Variants in FRMD4B observed in about 807,000 individuals in gnomAD.
FRMD4B encodes FERM domain-containing protein 4B.
A neutral mutation model predicts 141.5 loss-of-function variants in FRMD4B; 74 were observed. The ratio of observed to expected loss-of-function variants is 0.52; its 90% confidence interval spans 0.43 to 0.63. FRMD4B has a LOEUF of 0.63. Among genes scored for constraint, FRMD4B ranks in the 30% least tolerant of loss-of-function variants. FRMD4B has a pLI of 0.00. For missense variants in FRMD4B, 1,366 were observed against 1,253.4 expected (o/e 1.09, Z -1.36); for synonymous variants, 506 against 467.9 (o/e 1.08, Z -1.05).
chr3:69,528,189 T>C lies in FRMD4B; in HGVS notation c.-129+14017A>G, dbSNP rs541444131. Among the ~76,000 whole-genome samples, 13 of 152,256 alleles carry C rather than the reference T, an allele frequency of 8.5e-5. No individual in the cohort carries two copies. The South Asian group carries it at 1.0e-3, about 12-fold the overall frequency. ...GATTTTTAAAAAAGGGCAATTCTCATTGGGACTCAATGGCAAGGACTATGA... is the reference window on the plus strand; with the variant it reads ...GATTTTTAAAAAAGGGCAATTCTCACTGGGACTCAATGGCAAGGACTATGA... On this transcript the variant is annotated intron_variant, in intron 1 of 5. Coordinates refer to the FRMD4B transcript ENST00000459638.
At chr3:69,194,890 G>T in intron 16 of FRMD4B, 132 bp downstream of exon 16, 1 of 726,072 alleles carries the variant, frequency 1.4e-6, no homozygotes, top group Non-Finnish European at 2.2e-6. Flanking sequence ...GTTCAATTTG[G>T]TCTACACGAT....
chr3:69,178,120 G>A (rs762056264), intron 21 of FRMD4B, among the ~76,000 whole-genome samples: 4 of 152,206 alleles, frequency 2.6e-5, no homozygotes, highest in Non-Finnish European at 4.4e-5. Context: ...GGATGGACAA[G>A]ATAACCACAC....
chr3:69,292,197 A>G (rs1376726478), intron 4 of FRMD4B, among the ~76,000 whole-genome samples: 1 of 152,168 alleles, frequency 6.6e-6, no homozygotes, highest in East Asian at 1.9e-4. Context: ...GAGGCAATTA[A>G]CTCAGCTTAT....
In FRMD4B at chr3:69,437,164, C is replaced by G. The variant is rs954942798; in HGVS notation, c.-128-4403G>C. ...CATGGCTCACTGCAGTCTCAAACCCCCAGGCTCAAGCGACCCACCCACCTC... is the reference window on the plus strand; with the variant it reads ...CATGGCTCACTGCAGTCTCAAACCCGCAGGCTCAAGCGACCCACCCACCTC... On this transcript the variant is annotated intron_variant, in intron 1 of 5. Coordinates refer to the FRMD4B transcript ENST00000459638. 5.3e-5 allele frequency among the ~76,000 whole-genome samples: 8 copies of G among 152,174 alleles called. No individual in the cohort carries two copies. The East Asian group carries it at 1.5e-3, about 29-fold the overall frequency.
chr3:69,321,486 T>C (rs1701995435), intron 1 of FRMD4B, among the ~76,000 whole-genome samples: 1 of 152,180 alleles, frequency 6.6e-6, no homozygotes, highest in Non-Finnish European at 1.5e-5. Flanking sequence ...AAATCTGCCA[T>C]CTGGAAGGGT....
At chr3:69,423,077 C>A (rs565995609) in intron 2 of FRMD4B, among the ~76,000 whole-genome samples, 1 of 152,194 alleles carries the variant, frequency 6.6e-6, no homozygotes, top group African/African-American at 2.4e-5. Flanking sequence ...TATAGTCAGT[C>A]CTCATTATTT....
chr3:69,443,462 T>C (rs1705368626), intron 1 of FRMD4B, among the ~76,000 whole-genome samples: 1 of 152,204 alleles, frequency 6.6e-6, no homozygotes, highest in South Asian at 2.1e-4. Flanking sequence ...CTATGAGCTA[T>C]TATAGCTAAT....
At chr3:69,475,609 T>A (rs1181009713) in intron 1 of FRMD4B, among the ~76,000 whole-genome samples, 1 of 152,176 alleles carries the variant, frequency 6.6e-6, no homozygotes, top group Non-Finnish European at 1.5e-5. Context: ...TCTATCATTG[T>A]TGGACATTTG....
chr3:69,293,498 T>C (rs991540066), intron 4 of FRMD4B, among the ~76,000 whole-genome samples: 1 of 145,740 alleles, frequency 6.9e-6, no homozygotes, highest in Non-Finnish European at 1.5e-5. Context: ...TATTAGAATA[T>C]TATTATCTCT....
At chr3:69,462,938 T>C (rs948094137) in intron 1 of FRMD4B, among the ~76,000 whole-genome samples, 2 of 152,216 alleles carry the variant, frequency 1.3e-5, no homozygotes, top group African/African-American at 4.8e-5. Context: ...AGCTTTCTCA[T>C]CTATGATGCA....
Position 69,171,836 on chromosome 3 carries a change from C to A in FRMD4B, c.*25G>T. The A allele has an allele frequency of 6.2e-7, 1 of 1,606,348 alleles. No homozygotes were observed. The highest frequency in any genetic ancestry group is 8.5e-7 in the Non-Finnish European group (1 of 1,174,266). On this transcript the variant is annotated 3_prime_UTR_variant, in exon 23 of 23. Coordinates refer to ENST00000398540, the MANE Select transcript of FRMD4B (RefSeq NM_015123.3). ...GGCACACTAGTGTGAGAACGCAGTG[C>A]TTGGTCAGGAGGTCCAACTGCAGTT...
chr3:69,477,032 T>C (rs1352171437), intron 1 of FRMD4B, among the ~76,000 whole-genome samples: 2 of 152,172 alleles, frequency 1.3e-5, no homozygotes, highest in African/African-American at 4.8e-5. Flanking sequence ...TAAGAATGCT[T>C]GTGATTTTTG....
At chr3:69,280,758 C>A (rs552180325) in intron 5 of FRMD4B, among the ~76,000 whole-genome samples, 1 of 149,276 alleles carries the variant, frequency 6.7e-6, no homozygotes, top group African/African-American at 2.5e-5. Context: ...GTAGCTGGAC[C>A]ATAGGTACAT....
chr3:69,525,297 G>A (rs1267247785), intron 1 of FRMD4B, among the ~76,000 whole-genome samples: 1 of 152,174 alleles, frequency 6.6e-6, no homozygotes, highest in Non-Finnish European at 1.5e-5. Flanking sequence ...GGTAGATGTT[G>A]GGTTTTTGGA....
chr3:69,209,208 T>C (rs1213662539), intron 11 of FRMD4B, among the ~76,000 whole-genome samples: 1 of 150,606 alleles, frequency 6.6e-6, no homozygotes, highest in Non-Finnish European at 1.5e-5. Flanking sequence ...CTAGAGACAA[T>C]ACCACCCAGC....
At chr3:69,394,605 G>A (rs1254409737) in intron 2 of FRMD4B, among the ~76,000 whole-genome samples, 1 of 152,152 alleles carries the variant, frequency 6.6e-6, no homozygotes, top group African/African-American at 2.4e-5. Context: ...GGAAGACCGC[G>A]TGGCAATTCC....
intron 5 of FRMD4B, among the ~76,000 whole-genome samples, chr3:69,256,980 G>A (rs918148795): frequency 6.6e-6 from 1 of 152,144 alleles, no homozygotes; most frequent in Admixed American, 6.6e-5. Flanking sequence ...TCTTTATTGT[G>A]AGGCTGCCCT....
chr3:69,316,902 A>C (rs1380807670), intron 1 of FRMD4B, among the ~76,000 whole-genome samples: 1 of 152,212 alleles, frequency 6.6e-6, no homozygotes, highest in Non-Finnish European at 1.5e-5. Context: ...CTGGTGGATG[A>C]CCTGAGGTCA....
intron 2 of FRMD4B, among the ~76,000 whole-genome samples, chr3:69,423,341 C>T (rs1705015317): frequency 6.7e-6 from 1 of 149,704 alleles, no homozygotes; most frequent in South Asian, 2.1e-4. Context: ...TGCAATCATT[C>T]TCTGACTTGT....
Sources: gnomAD v4.1 joint callset for allele counts (sites outside exome capture counted in the v4.1 genomes callset) on GRCh38, gnomAD v4.1.1 for gene constraint, MANE v1.5 for transcripts, NCBI Gene and HGNC (gene_info 2026-07-23, HGNC 2026-07-21) for gene names.